The following CNTN5 variants were observed in gnomAD, a reference collection of about 807,000 sequenced individuals.
CNTN5 encodes contactin-5.
CNTN5 carries 77 observed loss-of-function variants against 129.1 expected under a neutral mutation model. The ratio of observed to expected loss-of-function variants is 0.60; its 90% CI spans 0.50 to 0.72. The LOEUF is 0.72. Among genes scored for constraint, CNTN5 ranks in the 30% least tolerant of loss-of-function variants. The probability of loss-of-function intolerance (pLI) is 0.00; values close to 1 mark genes in which losing one functional copy is unlikely to be tolerated. For synonymous variants in CNTN5, 509 were observed against 465.6 expected, an observed-to-expected ratio of 1.09 and a Z score of -1.20; for missense variants, 1,478 against 1,328.8, an observed-to-expected ratio of 1.11 and a Z score of -1.75.
intron 1 of CNTN5, among the ~76,000 whole-genome samples, chr11:99,294,624 C>A (rs192184984): frequency 7.6e-4 from 115 of 152,024 alleles, no homozygotes; most frequent in Non-Finnish European, 2.9e-5. Context: ...CAGTGCAATC[C>A]CTGTGGATGT....
chr11:99,829,676 A>G (rs752591760), intron 4 of CNTN5, among the ~76,000 whole-genome samples: 11 of 152,214 alleles, frequency 7.2e-5, no homozygotes, highest in Non-Finnish European at 1.5e-4. Context: ...CATAGACCTA[A>G]GAGGTATAAT....
intron 3 of CNTN5, among the ~76,000 whole-genome samples, chr11:99,572,376 G>A (rs1165731304): frequency 6.6e-6 from 1 of 152,240 alleles, no homozygotes; most frequent in Non-Finnish European, 1.5e-5. Flanking sequence ...TGTGCTAGAT[G>A]CAGCCTGCTG....
chr11:99,171,932 G>A (rs752605002), intron 1 of CNTN5, among the ~76,000 whole-genome samples: 8 of 152,114 alleles, frequency 5.3e-5, no homozygotes, highest in Non-Finnish European at 8.8e-5. Flanking sequence ...AGTTACTTCC[G>A]AGCACAGGGA....
chr11:99,827,289 A>T (rs1345592463), intron 4 of CNTN5, among the ~76,000 whole-genome samples: 1 of 152,110 alleles, frequency 6.6e-6, no homozygotes, highest in Admixed American at 6.5e-5. Flanking sequence ...GGGTTTCACC[A>T]TGTTGTCCAG....
intron 3 of CNTN5, 85 bp downstream of exon 3, chr11:99,556,354 T>A: frequency 1.2e-6 from 1 of 821,008 alleles, no homozygotes; most frequent in Admixed American, 2.6e-5. Context: ...CAAAATATCC[T>A]CAGGTATTAA....
intron 1 of CNTN5, among the ~76,000 whole-genome samples, chr11:99,299,066 C>T (rs1161564679): frequency 1.3e-5 from 2 of 152,078 alleles, no homozygotes; most frequent in African/African-American, 4.8e-5. Context: ...ATCTGCTTTT[C>T]GTGTTTCTTT....
At chr11:99,450,815 G>A (rs1452665314) in intron 2 of CNTN5, among the ~76,000 whole-genome samples, 1 of 141,326 alleles carries the variant, frequency 7.1e-6, no homozygotes, top group Non-Finnish European at 1.5e-5. Context: ...GTCTGAAAGG[G>A]AAAGGGCTTT....
At chr11:99,093,507 A>G (rs2135325387) in intron 1 of CNTN5, among the ~76,000 whole-genome samples, 2 of 151,602 alleles carry the variant, frequency 1.3e-5, no homozygotes, top group South Asian at 4.2e-4. Context: ...CAGTTAATAT[A>G]TGACTAACTG....
chr11:99,547,486 T>G (rs1175577113), intron 2 of CNTN5, among the ~76,000 whole-genome samples: 1 of 152,172 alleles, frequency 6.6e-6, no homozygotes, highest in Non-Finnish European at 1.5e-5. Flanking sequence ...TAAAAGAGTT[T>G]TTAATAAATA....
At chr11:99,743,366 G>T (rs1008133195) in intron 3 of CNTN5, among the ~76,000 whole-genome samples, 4 of 152,042 alleles carry the variant, frequency 2.6e-5, no homozygotes, top group African/African-American at 9.7e-5. Flanking sequence ...GCATAATTTT[G>T]CTATTTGTCT....
chr11:99,414,810 C>T (rs749741505), intron 2 of CNTN5, among the ~76,000 whole-genome samples: 1 of 152,084 alleles, frequency 6.6e-6, no homozygotes, highest in Non-Finnish European at 1.5e-5. Context: ...TTGTGTCTGT[C>T]GTGAGTGACA....
At chr11:99,546,820 C>T (rs1202115857) in intron 2 of CNTN5, among the ~76,000 whole-genome samples, 1 of 152,110 alleles carries the variant, frequency 6.6e-6, no homozygotes, top group East Asian at 1.9e-4. Flanking sequence ...TTCTCTGCAG[C>T]TTGGACACGC....
intron 21 of CNTN5, among the ~76,000 whole-genome samples, chr11:100,334,550 T>A (rs1591522919): frequency 6.6e-6 from 1 of 151,738 alleles, no homozygotes; most frequent in Middle Eastern, 3.4e-3. Flanking sequence ...AATCAATGAG[T>A]GGATAAAGAA....
chr11:100,326,043 A>C (rs959880740), intron 21 of CNTN5, among the ~76,000 whole-genome samples: 4 of 152,210 alleles, frequency 2.6e-5, no homozygotes, highest in African/African-American at 9.6e-5. Context: ...ACAATTCAGA[A>C]TAGGAAGAGA....
intron 13 of CNTN5, among the ~76,000 whole-genome samples, chr11:100,113,598 A>C (rs1241732631): frequency 1.3e-5 from 2 of 151,962 alleles, no homozygotes; most frequent in Non-Finnish European, 2.9e-5. Flanking sequence ...AAGGGAGCAC[A>C]ATGAAAGGTT....
chr11:100,100,774 G>A (rs1006645950), intron 13 of CNTN5, among the ~76,000 whole-genome samples: 1 of 152,074 alleles, frequency 6.6e-6, no homozygotes, highest in African/African-American at 2.4e-5. Flanking sequence ...AATTTGGTTA[G>A]CAGATATACT....
intron 3 of CNTN5, among the ~76,000 whole-genome samples, chr11:99,795,260 T>A (rs545659112): frequency 2.0e-5 from 3 of 152,346 alleles, no homozygotes; most frequent in African/African-American, 7.2e-5. Flanking sequence ...AGTGAGTTTT[T>A]CAGCTCTAGC....
chr11:99,893,992 G>C (rs1315106710), intron 6 of CNTN5, among the ~76,000 whole-genome samples: 1 of 151,944 alleles, frequency 6.6e-6, no homozygotes, highest in East Asian at 1.9e-4. Context: ...CCACTGCCTT[G>C]CCAGGGTTTT....
chr11:99,715,581 A>G (rs1955184118), intron 3 of CNTN5, among the ~76,000 whole-genome samples: 1 of 152,120 alleles, frequency 6.6e-6, no homozygotes, highest in African/African-American at 2.4e-5. Flanking sequence ...CAAGAGCCTC[A>G]CATACTCCCC....
Sources: gnomAD v4.1 joint callset for allele counts (sites outside exome capture counted in the v4.1 genomes callset) on GRCh38, gnomAD v4.1.1 for gene constraint, MANE v1.5 for transcripts, NCBI Gene and HGNC (gene_info 2026-07-23, HGNC 2026-07-21) for gene names.